LEKR1: variants seen among roughly 807,000 people sequenced by gnomAD.
LEKR1 encodes the protein protein LEKR1.
LEKR1 carries 59 observed loss-of-function variants against 72.4 expected under a neutral mutation model. The observed-to-expected ratio is 0.82, with a 90% CI of 0.66 to 1.01. The LOEUF (loss-of-function observed/expected upper bound fraction) is 1.01. Among genes scored for constraint, LEKR1 ranks in the 50% least tolerant of loss-of-function variants. The probability of loss-of-function intolerance (pLI) is 0.00; values close to 1 mark genes in which losing one functional copy is unlikely to be tolerated. For synonymous variants in LEKR1, 257 were observed against 263.2 expected, an observed-to-expected ratio of 0.98 and a Z score of 0.23; for missense variants, 728 against 759.2, an observed-to-expected ratio of 0.96 and a Z score of 0.48.
chr3:157,043,518 C>T (rs921631787), intron 12 of LEKR1, among the ~76,000 whole-genome samples: 2 of 151,298 alleles, frequency 1.3e-5, no homozygotes, highest in African/African-American at 4.9e-5. Context: ...ATGAATTAGA[C>T]AACTAATTTA....
intron 3 of LEKR1, among the ~76,000 whole-genome samples, chr3:156,862,447 C>G (rs115732806): frequency 0.022 from 3,338 of 152,120 alleles, 57 homozygotes; most frequent in Middle Eastern, 0.044. Flanking sequence ...AATACCTAAT[C>G]CTATGACTTT....
rs768397561 is a variant in LEKR1, at chr3:157,045,653, T to TC, written c.1987dup (p.Gln663ProfsTer14). ...AGGGTTAGATCAGGCGTGCCCATTC[T>TC]CCCCCAGCCACATCCTCCCAGGGGT... is the stretch of plus-strand genomic sequence containing the variant. On this transcript the variant is annotated frameshift_variant, in exon 13 of 13. Coordinates refer to ENST00000356539, the MANE Select transcript of LEKR1 (RefSeq NM_001004316.3). LOFTEE classifies it low-confidence loss of function (END_TRUNC). 11 of 1,611,990 alleles carry TC rather than the reference T, an allele frequency of 6.8e-6. No homozygotes were observed. Among genetic ancestry groups the TC allele is most frequent in the Middle Eastern group, 1.6e-4 (1 of 6,080 alleles).
intron 2 of LEKR1, among the ~76,000 whole-genome samples, chr3:156,836,618 T>C (rs1430298379): frequency 2.0e-5 from 3 of 152,118 alleles, no homozygotes. Flanking sequence ...CCCTCAAAGG[T>C]CTCCTCCTAA....
At chr3:156,952,140 C>T (rs1472047126) in intron 6 of LEKR1, among the ~76,000 whole-genome samples, 2 of 151,410 alleles carry the variant, frequency 1.3e-5, no homozygotes, top group African/African-American at 4.8e-5. Flanking sequence ...TAAAGATACA[C>T]TCTTGCATTC....
intron 3 of LEKR1, among the ~76,000 whole-genome samples, chr3:156,892,653 A>G (rs896218870): frequency 4.6e-5 from 7 of 152,142 alleles, no homozygotes; most frequent in Non-Finnish European, 1.0e-4. Flanking sequence ...TCTGCCTCAC[A>G]CTGACCATAA....
At chr3:156,883,671 C>A (rs1051905919) in intron 3 of LEKR1, among the ~76,000 whole-genome samples, 4 of 152,106 alleles carry the variant, frequency 2.6e-5, no homozygotes, top group Non-Finnish European at 5.9e-5. Context: ...AAGGGGAAAC[C>A]GATTTTGCTT....
chr3:156,906,908 T>A (rs2108566263), intron 3 of LEKR1, among the ~76,000 whole-genome samples: 1 of 152,268 alleles, frequency 6.6e-6, no homozygotes, highest in Middle Eastern at 3.4e-3. Context: ...AGAATTCTTT[T>A]CTGAGTGAAT....
At chr3:156,972,647 T>C (rs1729329068) in intron 6 of LEKR1, among the ~76,000 whole-genome samples, 1 of 151,358 alleles carries the variant, frequency 6.6e-6, no homozygotes, top group South Asian at 2.1e-4. Flanking sequence ...GTAATATATA[T>C]AAGGACAAAT....
intron 3 of LEKR1, among the ~76,000 whole-genome samples, chr3:156,873,996 C>G (rs1718274544): frequency 6.6e-6 from 1 of 151,946 alleles, no homozygotes; most frequent in South Asian, 2.1e-4. Flanking sequence ...TTGAATTTAT[C>G]TATTTGGAGA....
intron 9 of LEKR1, among the ~76,000 whole-genome samples, chr3:157,004,120 A>G (rs1231906152): frequency 6.6e-6 from 1 of 152,184 alleles, no homozygotes; most frequent in Non-Finnish European, 1.5e-5. Flanking sequence ...AAGACATATG[A>G]GGTCAAAAAT....
chr3:156,989,924 G>A (rs1165903934), intron 7 of LEKR1, among the ~76,000 whole-genome samples: 3 of 152,014 alleles, frequency 2.0e-5, no homozygotes, highest in Admixed American at 2.0e-4. Flanking sequence ...AGATACTTCA[G>A]CCAGCCTAAT....
At chr3:156,959,696 T>G (rs2107982625) in intron 6 of LEKR1, among the ~76,000 whole-genome samples, 2 of 152,324 alleles carry the variant, frequency 1.3e-5, no homozygotes, top group South Asian at 4.1e-4. Context: ...TTATTCTTTC[T>G]TAGGTTATCT....
chr3:157,032,538 T>C (rs953754022), intron 12 of LEKR1, among the ~76,000 whole-genome samples: 26 of 152,180 alleles, frequency 1.7e-4, no homozygotes, highest in Non-Finnish European at 2.8e-4. Context: ...ATAAATCCAT[T>C]AGGACAAAGA....
At chr3:156,917,920 AG>A (rs1723803849) in intron 3 of LEKR1, among the ~76,000 whole-genome samples, 1 of 152,262 alleles carries the variant, frequency 6.6e-6, no homozygotes, top group African/African-American at 2.4e-5. Context: ...AGAAAGCTCC[AG>A]GAAGGCTACC....
At chr3:156,936,018 A>G (rs1400964598) in intron 5 of LEKR1, among the ~76,000 whole-genome samples, 1 of 152,238 alleles carries the variant, frequency 6.6e-6, no homozygotes, top group Non-Finnish European at 1.5e-5. Context: ...GATGTGAATT[A>G]TAGCTGAGGA....
intron 5 of LEKR1, among the ~76,000 whole-genome samples, chr3:156,932,166 A>G (rs1351572648): frequency 3.9e-5 from 6 of 152,208 alleles, no homozygotes; most frequent in Non-Finnish European, 8.8e-5. Context: ...TATTAATTGT[A>G]GAATCTAAGT....
At chr3:157,034,606 A>T (rs191441925) in intron 12 of LEKR1, among the ~76,000 whole-genome samples, 33 of 152,324 alleles carry the variant, frequency 2.2e-4, no homozygotes, top group African/African-American at 7.5e-4. Context: ...ATGCTGCAAA[A>T]AATATTGAAA....
intron 3 of LEKR1, among the ~76,000 whole-genome samples, chr3:156,891,586 G>A (rs6787952): frequency 0.19 from 28,514 of 152,086 alleles, 3,420 homozygotes; most frequent in African/African-American, 0.33. Flanking sequence ...AATTATAGTT[G>A]TCACTTCCCA....
chr3:156,826,667 G>T, intron 1 of LEKR1: 1 of 155,732 alleles, frequency 6.4e-6, no homozygotes, highest in Non-Finnish European at 1.5e-5. Flanking sequence ...TCCGGCCACT[G>T]CAGGTCCAGG....
Sources: gnomAD v4.1 joint callset for allele counts (sites outside exome capture counted in the v4.1 genomes callset) on GRCh38, gnomAD v4.1.1 for gene constraint, MANE v1.5 for transcripts, NCBI Gene and HGNC (gene_info 2026-07-23, HGNC 2026-07-21) for gene names.